CACNB2: variants seen among roughly 807,000 people sequenced by gnomAD.
CACNB2 encodes voltage-dependent L-type calcium channel subunit beta-2.
CACNB2 carries 42 observed loss-of-function variants against 73.3 expected under a neutral mutation model. The ratio of observed to expected loss-of-function variants is 0.57; its 90% CI spans 0.45 to 0.74. CACNB2 has a LOEUF of 0.74. Ranked by LOEUF, CACNB2 falls within the 30% of genes least tolerant of loss-of-function variation. The probability of loss-of-function intolerance (pLI) is 0.00; values close to 1 mark genes in which losing one functional copy is unlikely to be tolerated. For missense variants in CACNB2, 940 were observed against 853.0 expected (o/e 1.10, Z -1.27); for synonymous variants, 348 against 310.3 (o/e 1.12, Z -1.28).
At chr10:18,511,290 G>T (rs749131616) in intron 6 of CACNB2, among the ~76,000 whole-genome samples, 9 of 152,132 alleles carry the variant, frequency 5.9e-5, no homozygotes, top group African/African-American at 2.2e-4. Context: ...ATTTGTAATA[G>T]TGTACAAACA....
intron 2 of CACNB2, among the ~76,000 whole-genome samples, chr10:18,156,955 A>C (rs2032092765): frequency 6.6e-6 from 1 of 151,896 alleles, no homozygotes; most frequent in African/African-American, 2.4e-5. Flanking sequence ...AGGCAGGAGA[A>C]TTGCTTGAAC....
intron 2 of CACNB2, among the ~76,000 whole-genome samples, chr10:18,231,891 C>A (rs898847019): frequency 6.6e-6 from 1 of 152,168 alleles, no homozygotes; most frequent in African/African-American, 2.4e-5. Flanking sequence ...AGAAGTATTT[C>A]TTTTCTTTTG....
intron 2 of CACNB2, chr10:18,261,043 G>A (rs2037512948): frequency 3.7e-6 from 5 of 1,361,292 alleles, no homozygotes; most frequent in Middle Eastern, 2.8e-4. Flanking sequence ...CTCAAATTAC[G>A]CCCCCCACCC....
intron 2 of CACNB2, among the ~76,000 whole-genome samples, chr10:18,317,403 T>C (rs2040234112): frequency 6.6e-6 from 1 of 152,130 alleles, no homozygotes; most frequent in African/African-American, 2.4e-5. Context: ...CCTCTCCCCT[T>C]TTGGGACTCC....
At chr10:18,515,663 A>T (rs944107178) in intron 7 of CACNB2, among the ~76,000 whole-genome samples, 1 of 152,224 alleles carries the variant, frequency 6.6e-6, no homozygotes, top group African/African-American at 2.4e-5. Context: ...GTGTTAACAT[A>T]GCCTCAGCTT....
chr10:18,481,047 C>G (rs1383294114), intron 3 of CACNB2, among the ~76,000 whole-genome samples: 1 of 151,136 alleles, frequency 6.6e-6, no homozygotes, highest in African/African-American at 2.4e-5. Context: ...CTGCATAAGG[C>G]CAACAGGTCT....
intron 3 of CACNB2, among the ~76,000 whole-genome samples, chr10:18,464,598 T>G (rs903210964): frequency 1.3e-5 from 2 of 152,058 alleles, no homozygotes; most frequent in African/African-American, 4.8e-5. Context: ...AGGCTCCCCC[T>G]TTTCAATAAT....
intron 2 of CACNB2, among the ~76,000 whole-genome samples, chr10:18,151,473 C>G (rs1466095745): frequency 6.6e-6 from 1 of 152,072 alleles, no homozygotes; most frequent in Non-Finnish European, 1.5e-5. Flanking sequence ...TAATTTAAAC[C>G]ATTTCTGCCT....
intron 2 of CACNB2, chr10:18,261,295 G>T: frequency 1.9e-6 from 3 of 1,551,512 alleles, no homozygotes; most frequent in South Asian, 1.2e-5. Flanking sequence ...CTGGTGCATC[G>T]CCGGCGAGTA....
Position 18,536,275 on chromosome 10 carries a change from G to GTTTTTTTTTTTTTTTTTT in CACNB2, c.1302+79_1302+80insTTTTTTTTTTTTTTTTTT, listed in dbSNP as rs2053587888. ...TTTTTTTTTTTTTTTTTTTTTTTTG[G>GTTTTTTTTTTTTTTTTTT]GGGACAAGGTCTTGCTCTGTTGCCC... On this transcript the variant is annotated intron_variant, in intron 12 of 13. Coordinates refer to ENST00000324631, the MANE Select transcript of CACNB2 (RefSeq NM_201596.3). 8.2e-4 allele frequency: 76 copies of GTTTTTTTTTTTTTTTTTT among 92,510 alleles called. 16 individuals carry two copies. Among genetic ancestry groups the GTTTTTTTTTTTTTTTTTT allele is most frequent in the African/African-American group, 2.2e-3 (22 of 10,158 alleles). The allele number at this position is 92,510 out of a possible 1,614,324, so 5.7% of individuals were successfully genotyped here. A position where few individuals can be genotyped will look rare whatever the true frequency, so the allele number is the denominator to read the frequency against.
intron 2 of CACNB2, among the ~76,000 whole-genome samples, chr10:18,231,239 C>A (rs1413440228): frequency 6.6e-6 from 1 of 152,164 alleles, no homozygotes; most frequent in African/African-American, 2.4e-5. Flanking sequence ...TGCAGTGGCC[C>A]GATCTCGGCT....
chr10:18,193,047 C>T (rs2034473450), intron 2 of CACNB2, among the ~76,000 whole-genome samples: 1 of 152,016 alleles, frequency 6.6e-6, no homozygotes, highest in African/African-American at 2.4e-5. Context: ...TCTTTATTTA[C>T]AATTCATATA....
chr10:18,490,962 G>A (rs1450020443), intron 3 of CACNB2, among the ~76,000 whole-genome samples: 3 of 152,120 alleles, frequency 2.0e-5, no homozygotes, highest in East Asian at 1.9e-4. Context: ...GAATAGCTTC[G>A]CTTTCCTCAA....
chr10:18,232,756 G>A (rs962174977), intron 2 of CACNB2, among the ~76,000 whole-genome samples: 3 of 152,080 alleles, frequency 2.0e-5, no homozygotes, highest in Non-Finnish European at 2.9e-5. Flanking sequence ...TTGTGTATTC[G>A]TTACAAGCAT....
chr10:18,412,875 C>T (rs17690724), intron 3 of CACNB2, among the ~76,000 whole-genome samples: 15,055 of 152,290 alleles, frequency 0.099, 1,011 homozygotes, highest in Admixed American at 0.16. Flanking sequence ...ACTGCAGAGG[C>T]TTAGGGATGC....
intron 2 of CACNB2, among the ~76,000 whole-genome samples, chr10:18,223,752 A>C (rs1008241498): frequency 2.0e-5 from 3 of 152,156 alleles, no homozygotes; most frequent in African/African-American, 7.2e-5. Context: ...GTTTTTAAAA[A>C]TAAAGCTGTA....
chr10:18,254,204 A>G (rs2037192753), intron 2 of CACNB2, among the ~76,000 whole-genome samples: 1 of 152,218 alleles, frequency 6.6e-6, no homozygotes, highest in African/African-American at 2.4e-5. Flanking sequence ...AAAAATTGGC[A>G]TTTGATTTTC....
intron 2 of CACNB2, among the ~76,000 whole-genome samples, chr10:18,322,959 CT>C (rs35664294): frequency 0.047 from 4,945 of 106,294 alleles, 35 homozygotes; most frequent in African/African-American, 0.067. Flanking sequence ...TGGTGATATT[CT>C]TTTTTTTTTT....
intron 2 of CACNB2, among the ~76,000 whole-genome samples, chr10:18,283,356 A>G (rs2038638551): frequency 6.6e-6 from 1 of 152,156 alleles, no homozygotes; most frequent in Non-Finnish European, 1.5e-5. Flanking sequence ...TGCTGCGATA[A>G]AGACACATGC....
Sources: gnomAD v4.1 joint callset for allele counts (sites outside exome capture counted in the v4.1 genomes callset) on GRCh38, gnomAD v4.1.1 for gene constraint, MANE v1.5 for transcripts, NCBI Gene and HGNC (gene_info 2026-07-23, HGNC 2026-07-21) for gene names.